TMEM267: variants seen among roughly 807,000 people sequenced by gnomAD.
TMEM267 encodes transmembrane protein 267, also known as transmembrane protein C5orf28.
In TMEM267, 20 loss-of-function variants were observed where a neutral mutation model predicts 19.3. The ratio of observed to expected loss-of-function variants is 1.04; its 90% CI spans 0.73 to 1.51. The LOEUF is 1.51. Among genes scored for constraint, TMEM267 ranks in the 40% most tolerant of loss-of-function variants. The pLI, the probability that TMEM267 is intolerant of heterozygous loss-of-function variation, is 0.00. For missense variants in TMEM267, 242 were observed against 261.9 expected, an observed-to-expected ratio of 0.92 and a Z score of 0.52; for synonymous variants, 88 against 90.3, an observed-to-expected ratio of 0.97 and a Z score of 0.15.
chr5:43,474,069 A>G (rs1379885270), intron 1 of TMEM267, among the ~76,000 whole-genome samples: 1 of 152,232 alleles, frequency 6.6e-6, no homozygotes, highest in Non-Finnish European at 1.5e-5. Flanking sequence ...CATATGCAGA[A>G]AGCTGAAACT....
At chr5:43,451,795 C>A (rs1468121996) in intron 2 of TMEM267, among the ~76,000 whole-genome samples, 2 of 152,064 alleles carry the variant, frequency 1.3e-5, no homozygotes, top group African/African-American at 2.4e-5. Flanking sequence ...TTAATCATTG[C>A]CAGCCACAGT....
rs1246623819 is a variant in TMEM267 at position 43,453,891 on chromosome 5, C to T, written c.79G>A (p.Gly27Arg). The change falls in exon 2 of 3, where the codon GGG (glycine) becomes AGG (arginine). Residue 27 changes from glycine (G) to arginine (R), a missense_variant. Transcript: ENST00000397080. ...CTGTCAGCTACGAGGCAAAATGCCC[C>T]CAGACCAAGGCTGGAAATAAGAGAT... ...TESLISSLGLGAFCLVADRLL... is the reference protein window; with the variant it reads ...TESLISSLGLRAFCLVADRLL... 5.6e-6 allele frequency: 9 copies of T among 1,613,876 alleles called. No homozygotes were observed. The highest frequency in any genetic ancestry group is 7.6e-6 in the Non-Finnish European group (9 of 1,180,006).
intron 1 of TMEM267, among the ~76,000 whole-genome samples, chr5:43,466,814 C>T (rs1192552445): frequency 2.0e-5 from 3 of 151,752 alleles, no homozygotes; most frequent in Non-Finnish European, 4.4e-5. Flanking sequence ...ATCACATCCC[C>T]AGAGAAAATC....
intron 1 of TMEM267, among the ~76,000 whole-genome samples, chr5:43,459,702 T>G (rs745776424): frequency 2.0e-5 from 3 of 152,182 alleles, no homozygotes; most frequent in East Asian, 1.9e-4. Flanking sequence ...CAGCAAAAAA[T>G]TAAGTGGTCA....
At chr5:43,461,774 T>C (rs571067154) in intron 1 of TMEM267, among the ~76,000 whole-genome samples, 30 of 152,258 alleles carry the variant, frequency 2.0e-4, no homozygotes, top group African/African-American at 7.0e-4. Context: ...TGCAGTGCAA[T>C]AGAACATCAG....
At chr5:43,447,346 T>C (rs958967825) in intron 2 of TMEM267, among the ~76,000 whole-genome samples, 1 of 152,092 alleles carries the variant, frequency 6.6e-6, no homozygotes, top group Non-Finnish European at 1.5e-5. Flanking sequence ...CACCTTGGCC[T>C]CCCAAGGTGC....
intron 1 of TMEM267, among the ~76,000 whole-genome samples, chr5:43,482,710 C>A (rs1389400037): frequency 6.6e-6 from 1 of 152,208 alleles, no homozygotes; most frequent in African/African-American, 2.4e-5. Flanking sequence ...CTCGCAGAAG[C>A]CATTTTCTGC....
intron 1 of TMEM267, among the ~76,000 whole-genome samples, chr5:43,472,756 G>A (rs958482544): frequency 1.1e-4 from 10 of 94,474 alleles, no homozygotes; most frequent in African/African-American, 4.8e-4. Flanking sequence ...AATTGAACTC[G>A]TGGACATAGA....
intron 1 of TMEM267, among the ~76,000 whole-genome samples, chr5:43,462,935 A>T (rs966349274): frequency 2.6e-5 from 4 of 152,118 alleles, no homozygotes; most frequent in East Asian, 1.9e-4. Flanking sequence ...AAATAACTAA[A>T]ATCAGAGCAG....
At chr5:43,464,017 T>C (rs998532215) in intron 1 of TMEM267, among the ~76,000 whole-genome samples, 8 of 152,100 alleles carry the variant, frequency 5.3e-5, no homozygotes, top group Non-Finnish European at 8.8e-5. Flanking sequence ...GTCAAATTGT[T>C]CCTGTTTGCA....
intron 1 of TMEM267, among the ~76,000 whole-genome samples, chr5:43,475,608 C>T (rs975657074): frequency 6.6e-6 from 1 of 151,776 alleles, no homozygotes; most frequent in African/African-American, 2.4e-5. Flanking sequence ...AGAATAAAGG[C>T]AGGAGAGGGA....
chr5:43,455,788 A>G (rs2112062541), intron 1 of TMEM267, among the ~76,000 whole-genome samples: 1 of 152,222 alleles, frequency 6.6e-6, no homozygotes, highest in African/African-American at 2.4e-5. Context: ...TCTGACCTCA[A>G]GTGATCCACC....
intron 1 of TMEM267, among the ~76,000 whole-genome samples, chr5:43,457,956 T>G (rs1340800944): frequency 6.6e-6 from 1 of 152,194 alleles, no homozygotes; most frequent in Non-Finnish European, 1.5e-5. Flanking sequence ...TGGAGTGCAG[T>G]GGCTTGATCT....
At position 43,462,637 on chromosome 5, in the gene TMEM267, T is replaced by C. The variant is rs542250395; in HGVS notation, c.-74-8594A>G. Among the ~76,000 whole-genome samples, 13 of 152,226 alleles carry C rather than the reference T, an allele frequency of 8.5e-5. No individual in the cohort carries two copies. The South Asian group carries it at 2.7e-3, about 32-fold the overall frequency. ...GAAATTCTGGAGCTGAAAAATGCAA[T>C]TGGCATACTGAAGAATGCACCACAG... On this transcript the variant is annotated intron_variant, in intron 1 of 2. Transcript: ENST00000397080.
At position 43,483,633 on chromosome 5, in the gene TMEM267, A is replaced by C. The variant is rs562540894; in HGVS notation, c.-75+189T>G. Among the ~76,000 whole-genome samples the C allele has an allele frequency of 6.6e-5, 10 of 152,260 alleles. No individual in the cohort carries two copies. In the South Asian group the frequency reaches 2.1e-3, roughly 32 times the overall value. Reference sequence around the variant, plus strand: ...GCGGGACGGTGCCGGCTCGTGGGTCACACGCACCCAGGAGGCTCCTGGCTC... The same window carrying C: ...GCGGGACGGTGCCGGCTCGTGGGTCCCACGCACCCAGGAGGCTCCTGGCTC... On this transcript the variant is annotated intron_variant, in intron 1 of 2. Coordinates refer to ENST00000397080, the MANE Select transcript of TMEM267 (RefSeq NM_022483.5).
chr5:43,457,877 T>C (rs1164509028), intron 1 of TMEM267, among the ~76,000 whole-genome samples: 1 of 152,198 alleles, frequency 6.6e-6, no homozygotes, highest in Non-Finnish European at 1.5e-5. Flanking sequence ...ATGTTTGAAA[T>C]TTTCATTTAG....
chr5:43,465,014 C>G (rs191225985), intron 1 of TMEM267, among the ~76,000 whole-genome samples: 1 of 152,092 alleles, frequency 6.6e-6, no homozygotes, highest in East Asian at 1.9e-4. Flanking sequence ...TCAGAGTGAA[C>G]GGGCAACCTA....
chr5:43,474,783 A>G (rs1272763773), intron 1 of TMEM267, among the ~76,000 whole-genome samples: 2 of 150,728 alleles, frequency 1.3e-5, no homozygotes, highest in Non-Finnish European at 3.0e-5. Flanking sequence ...AAAAAAATGA[A>G]AAAAGGCTCA....
chr5:43,447,746 C>A (rs1224996645), intron 2 of TMEM267, among the ~76,000 whole-genome samples: 1 of 152,174 alleles, frequency 6.6e-6, no homozygotes, highest in Non-Finnish European at 1.5e-5. Flanking sequence ...CTCACACTTC[C>A]ATCCAAGTCA....
Sources: allele counts gnomAD v4.1 joint callset (sites outside exome capture counted in the v4.1 genomes callset), GRCh38; gene constraint gnomAD v4.1.1; transcripts MANE v1.5; gene names NCBI Gene and HGNC (gene_info 2026-07-23, HGNC 2026-07-21).